The following HIPK2 variants were observed in gnomAD, a reference collection of about 807,000 sequenced individuals.
The protein encoded by HIPK2 is homeodomain interacting protein kinase 2.
A neutral mutation model predicts 113.7 loss-of-function variants in HIPK2; 27 were observed. The observed-to-expected ratio is 0.24, with a 90% confidence interval of 0.17 to 0.33. The LOEUF is 0.33. Ranked by LOEUF, HIPK2 falls within the 10% of genes least tolerant of loss-of-function variation. The probability of loss-of-function intolerance (pLI) is 1.00; values close to 1 mark genes in which losing one functional copy is unlikely to be tolerated. For missense variants in HIPK2, 1,257 were observed against 1,588.0 expected (o/e 0.79, Z 3.54); for synonymous variants, 631 against 642.2 (o/e 0.98, Z 0.26).
chr7:139,580,655 C>A (rs1437759641), intron 13 of HIPK2, among the ~76,000 whole-genome samples: 1 of 152,188 alleles, frequency 6.6e-6, no homozygotes, highest in African/African-American at 2.4e-5. Flanking sequence ...CAGATAAGCT[C>A]CAGGGCCAGA....
In HIPK2 at chr7:139,571,975, T is replaced by C. The variant is rs558715341; in HGVS notation, c.*952A>G. The C allele has an allele frequency of 1.3e-5, 2 of 152,362 alleles. No individual in the cohort carries two copies. The highest frequency in any genetic ancestry group is 1.3e-4 in the Admixed American group (2 of 15,308). The allele number at this position is 152,362 out of a possible 1,614,324, so 9.4% of individuals were successfully genotyped here. ...TTTTTTGTGCAATTACATTGAGGAA[T>C]ATTCTATTGGTATCATTGGAGTTGA... On this transcript the variant is annotated 3_prime_UTR_variant, in exon 15 of 15. Coordinates refer to ENST00000406875, the MANE Select transcript of HIPK2 (RefSeq NM_022740.5).
intron 1 of HIPK2, among the ~76,000 whole-genome samples, chr7:139,721,560 T>A (rs1384122513): frequency 6.6e-6 from 1 of 152,242 alleles, no homozygotes; most frequent in East Asian, 1.9e-4. Context: ...CATTTCTTTC[T>A]GTATTGACCT....
At chr7:139,691,935 C>T (rs1389653515) in intron 2 of HIPK2, among the ~76,000 whole-genome samples, 21 of 152,206 alleles carry the variant, frequency 1.4e-4, no homozygotes, top group Non-Finnish European at 5.9e-5. Flanking sequence ...TAGAAATATA[C>T]GTGGTATACT....
intron 9 of HIPK2, among the ~76,000 whole-genome samples, chr7:139,608,009 C>T (rs542590848): frequency 7.2e-5 from 11 of 152,116 alleles, no homozygotes; most frequent in East Asian, 1.9e-4. Context: ...GAGGCCAAGG[C>T]GGGTGGATCA....
intron 1 of HIPK2, among the ~76,000 whole-genome samples, chr7:139,750,535 T>C (rs1332371638): frequency 1.3e-5 from 2 of 152,232 alleles, no homozygotes; most frequent in Admixed American, 6.5e-5. Flanking sequence ...GTCTTGAAGG[T>C]TGTCTGATAG....
rs145907247 is a variant in HIPK2 at position 139,563,823 on chromosome 7, T to C, written c.*9104A>G. On this transcript the variant is annotated 3_prime_UTR_variant, in exon 15 of 15. Transcript: ENST00000406875. ...AAAAGCTCCCTGGTCCCAGGTGTTT[T>C]GCAGTTTTCAAGGTCTTATCTGCTA... The C allele has an allele frequency of 2.3e-4, 91 of 398,656 alleles. 1 individual carries two copies. In the East Asian group the frequency reaches 3.2e-3, roughly 14 times the overall value. The allele number at this position is 398,656 out of a possible 1,614,324, so 24.7% of individuals were successfully genotyped here.
intron 13 of HIPK2, among the ~76,000 whole-genome samples, chr7:139,581,138 T>C (rs1233978757): frequency 6.6e-6 from 1 of 152,132 alleles, no homozygotes; most frequent in Non-Finnish European, 1.5e-5. Flanking sequence ...CAGAATTGCT[T>C]GAACCCGGGA....
chr7:139,773,090 G>C (rs1796680476), intron 1 of HIPK2, among the ~76,000 whole-genome samples: 1 of 152,150 alleles, frequency 6.6e-6, no homozygotes, highest in South Asian at 2.1e-4. Flanking sequence ...CTGCCACAGG[G>C]CCTGACACAC....
At chr7:139,766,818 T>G (rs1796560637) in intron 1 of HIPK2, among the ~76,000 whole-genome samples, 1 of 152,220 alleles carries the variant, frequency 6.6e-6, no homozygotes, top group African/African-American at 2.4e-5. Context: ...AATAGTGTAT[T>G]ACTATTGTGA....
intron 1 of HIPK2, among the ~76,000 whole-genome samples, chr7:139,738,722 G>C (rs941337978): frequency 6.6e-6 from 1 of 152,074 alleles, no homozygotes; most frequent in Non-Finnish European, 1.5e-5. Flanking sequence ...GGGGAATCTG[G>C]GTATAGGGGT....
intron 2 of HIPK2, among the ~76,000 whole-genome samples, chr7:139,712,834 C>T (rs1448957795): frequency 1.3e-5 from 2 of 152,084 alleles, no homozygotes; most frequent in African/African-American, 2.4e-5. Flanking sequence ...AAAATCGGAT[C>T]GATCTATATG....
At chr7:139,650,500 A>C (rs1385784395) in intron 2 of HIPK2, among the ~76,000 whole-genome samples, 1 of 149,500 alleles carries the variant, frequency 6.7e-6, no homozygotes, top group Non-Finnish European at 1.5e-5. Flanking sequence ...TCAGGGTTGG[A>C]CCATTTGTTC....
At chr7:139,623,534 A>G (rs916326386) in intron 6 of HIPK2, among the ~76,000 whole-genome samples, 149 of 151,888 alleles carry the variant, frequency 9.8e-4, no homozygotes, top group African/African-American at 2.3e-3. Flanking sequence ...AAAAAAAAAA[A>G]AAAAGAAAAA....
At chr7:139,599,956 G>A (rs1163766321) in intron 11 of HIPK2, among the ~76,000 whole-genome samples, 1 of 151,960 alleles carries the variant, frequency 6.6e-6, no homozygotes, top group African/African-American at 2.4e-5. Context: ...GATCACCCTC[G>A]ATATCTGATG....
At chr7:139,707,210 C>T (rs1585401902) in intron 2 of HIPK2, among the ~76,000 whole-genome samples, 2 of 152,230 alleles carry the variant, frequency 1.3e-5, no homozygotes, top group South Asian at 4.1e-4. Context: ...CCTAAACAGG[C>T]GATCTGCACC....
chr7:139,735,124 C>T (rs1475074238), intron 1 of HIPK2, among the ~76,000 whole-genome samples: 1 of 152,184 alleles, frequency 6.6e-6, no homozygotes, highest in Admixed American at 6.5e-5. Context: ...ATATTTGATT[C>T]TAGATATCCC....
At chr7:139,735,075 A>G (rs2117048667) in intron 1 of HIPK2, among the ~76,000 whole-genome samples, 1 of 151,990 alleles carries the variant, frequency 6.6e-6, no homozygotes, top group South Asian at 2.1e-4. Context: ...GAAGTCTAGA[A>G]GTAAGTCATA....
At position 139,629,233 on chromosome 7, in the gene HIPK2, T is replaced by C. The variant is rs576371288; in HGVS notation, c.1348-194A>G. 2.0e-5 allele frequency among the ~76,000 whole-genome samples: 3 copies of C among 152,246 alleles called. No individual in the cohort carries two copies. In the East Asian group the frequency reaches 5.8e-4, roughly 29 times the overall value. On this transcript the variant is annotated intron_variant, in intron 4 of 14. Transcript: ENST00000406875. ...ACCAACCCATCCCTCCTCCTTCCTATGCACACGTGTCAGGGGCTGGCTCCG... is the reference window on the plus strand; with the variant it reads ...ACCAACCCATCCCTCCTCCTTCCTACGCACACGTGTCAGGGGCTGGCTCCG...
intron 12 of HIPK2, among the ~76,000 whole-genome samples, chr7:139,594,626 ATCTC>A (rs1799134310): frequency 6.6e-6 from 1 of 152,136 alleles, no homozygotes; most frequent in Non-Finnish European, 1.5e-5. Context: ...TTGCCATTAG[ATCTC>A]TCTAGAAAAC....
Sources: gnomAD v4.1 joint callset for allele counts (sites outside exome capture counted in the v4.1 genomes callset) on GRCh38, gnomAD v4.1.1 for gene constraint, MANE v1.5 for transcripts, NCBI Gene and HGNC (gene_info 2026-07-23, HGNC 2026-07-21) for gene names.